The following SYN3 variants were observed in gnomAD, a reference collection of about 807,000 sequenced individuals.
The protein encoded by SYN3 is synapsin III.
SYN3 carries 35 observed loss-of-function variants against 65.8 expected under a neutral mutation model. That is an observed-to-expected ratio of 0.53 (90% CI 0.41 to 0.70). SYN3 has a LOEUF of 0.70. Among genes scored for constraint, SYN3 ranks in the 30% least tolerant of loss-of-function variants. The probability of loss-of-function intolerance (pLI) is 0.00; values close to 1 mark genes in which losing one functional copy is unlikely to be tolerated. For synonymous variants in SYN3, 270 were observed against 292.9 expected (o/e 0.92, Z 0.80); for missense variants, 680 against 749.0 (o/e 0.91, Z 1.08).
intron 3 of SYN3, among the ~76,000 whole-genome samples, chr22:32,965,380 G>C (rs2051798369): frequency 6.6e-6 from 1 of 152,030 alleles, no homozygotes; most frequent in Admixed American, 6.6e-5. Flanking sequence ...CCCCACTCTG[G>C]ATAAGTTTGA....
At chr22:32,948,650 T>G (rs900887463) in intron 3 of SYN3, among the ~76,000 whole-genome samples, 1 of 151,964 alleles carries the variant, frequency 6.6e-6, no homozygotes, top group Non-Finnish European at 1.5e-5. Flanking sequence ...GGCAGGAGAA[T>G]GGCGTGAACC....
intron 6 of SYN3, among the ~76,000 whole-genome samples, chr22:32,669,274 T>C (rs759672194): frequency 9.2e-5 from 14 of 151,710 alleles, no homozygotes; most frequent in Non-Finnish European, 1.3e-4. Flanking sequence ...GGATGGGAGG[T>C]GTGTGTTGGG....
chr22:32,555,747 G>A (rs1431194364), intron 7 of SYN3, among the ~76,000 whole-genome samples: 1 of 152,134 alleles, frequency 6.6e-6, no homozygotes, highest in East Asian at 1.9e-4. Context: ...CATAACCCGG[G>A]CACACAAATG....
At chr22:32,958,165 C>T (rs2051525991) in intron 3 of SYN3, among the ~76,000 whole-genome samples, 1 of 152,186 alleles carries the variant, frequency 6.6e-6, no homozygotes, top group Non-Finnish European at 1.5e-5. Flanking sequence ...ACCCTGTAGG[C>T]TCAGAGAAAA....
chr22:32,678,161 C>T (rs1231703710), intron 6 of SYN3, among the ~76,000 whole-genome samples: 3 of 152,086 alleles, frequency 2.0e-5, no homozygotes, highest in East Asian at 1.9e-4. Flanking sequence ...TGAATTCAGG[C>T]TGGGATTGGG....
chr22:33,034,468 A>G (rs1406720075), intron 1 of SYN3, among the ~76,000 whole-genome samples: 3 of 151,864 alleles, frequency 2.0e-5, no homozygotes, highest in Admixed American at 2.0e-4. Flanking sequence ...GGTTGGTCTT[A>G]AACTCCTGAC....
At chr22:33,052,272 G>C (rs1420160175) in intron 1 of SYN3, among the ~76,000 whole-genome samples, 2 of 152,194 alleles carry the variant, frequency 1.3e-5, no homozygotes, top group Non-Finnish European at 2.9e-5. Flanking sequence ...TCAGAAGCAG[G>C]TGGCAGTTTA....
chr22:32,612,579 C>T (rs775937815), intron 6 of SYN3, among the ~76,000 whole-genome samples: 6 of 152,268 alleles, frequency 3.9e-5, no homozygotes, highest in Admixed American at 6.5e-5. Context: ...TGGTGGCTCA[C>T]GCCTGAAATC....
At chr22:32,969,586 G>A (rs915122514) in intron 3 of SYN3, among the ~76,000 whole-genome samples, 8 of 152,200 alleles carry the variant, frequency 5.3e-5, no homozygotes, top group African/African-American at 1.4e-4. Flanking sequence ...GAAATGCAGT[G>A]TGAAAAGCAG....
intron 2 of SYN3, among the ~76,000 whole-genome samples, chr22:32,982,156 A>G (rs2052391093): frequency 6.6e-6 from 1 of 152,210 alleles, no homozygotes; most frequent in Admixed American, 6.5e-5. Flanking sequence ...TCTTCTAACT[A>G]TTCAAAAAAG....
At chr22:32,789,969 T>C (rs1488968135) in intron 6 of SYN3, among the ~76,000 whole-genome samples, 1 of 152,244 alleles carries the variant, frequency 6.6e-6, no homozygotes, top group African/African-American at 2.4e-5. Flanking sequence ...TGCTAAACGC[T>C]TTCCACATAT....
At chr22:32,865,608 C>G (rs899496726) in intron 5 of SYN3, among the ~76,000 whole-genome samples, 1 of 152,216 alleles carries the variant, frequency 6.6e-6, no homozygotes, top group African/African-American at 2.4e-5. Flanking sequence ...AATATTTTCT[C>G]TGCTGTTGCA....
At chr22:32,778,964 G>A (rs2045970296) in intron 6 of SYN3, among the ~76,000 whole-genome samples, 1 of 152,096 alleles carries the variant, frequency 6.6e-6, no homozygotes, top group African/African-American at 2.4e-5. Context: ...CCTCTTACGT[G>A]CCCAGCTTGC....
chr22:32,805,842 A>G (rs908027462), intron 6 of SYN3, among the ~76,000 whole-genome samples: 1 of 152,154 alleles, frequency 6.6e-6, no homozygotes, highest in Non-Finnish European at 1.5e-5. Context: ...GATGGTTAAC[A>G]TTTGAAGAAT....
At chr22:32,521,770 T>C (rs1212081590) in intron 12 of SYN3, among the ~76,000 whole-genome samples, 1 of 152,202 alleles carries the variant, frequency 6.6e-6, no homozygotes, top group African/African-American at 2.4e-5. Context: ...TAAATGTTGG[T>C]TACTTTTGGG....
chr22:32,756,053 A>G (rs2045279298), intron 6 of SYN3, among the ~76,000 whole-genome samples: 1 of 151,058 alleles, frequency 6.6e-6, no homozygotes, highest in Admixed American at 6.6e-5. Flanking sequence ...GAGGAACATC[A>G]CACACCGGGG....
chr22:32,692,993 G>A (rs887235109), intron 6 of SYN3, among the ~76,000 whole-genome samples: 3 of 152,106 alleles, frequency 2.0e-5, no homozygotes, highest in African/African-American at 7.2e-5. Flanking sequence ...AGGACGGCTG[G>A]ATGTGCAGTA....
At chr22:32,958,457 T>A (rs1238589957) in intron 3 of SYN3, among the ~76,000 whole-genome samples, 1 of 152,154 alleles carries the variant, frequency 6.6e-6, no homozygotes, top group Non-Finnish European at 1.5e-5. Flanking sequence ...TTTGGAGAGG[T>A]AGAAACAAAA....
intron 10 of SYN3, among the ~76,000 whole-genome samples, chr22:32,531,100 G>A (rs1377470437): frequency 7.4e-6 from 1 of 134,398 alleles, no homozygotes; most frequent in African/African-American, 3.0e-5. Context: ...CGGAAAACAG[G>A]CCTTTCCTCT....
Sources: gnomAD v4.1 joint callset for allele counts (sites outside exome capture counted in the v4.1 genomes callset) on GRCh38, gnomAD v4.1.1 for gene constraint, MANE v1.5 for transcripts, NCBI Gene and HGNC (gene_info 2026-07-23, HGNC 2026-07-21) for gene names.